Variants in UGT1A10 observed in about 807,000 individuals in gnomAD.
UGT1A10 encodes UDP-glucuronosyltransferase 1A10.
In UGT1A10, 49 loss-of-function variants were observed where a neutral mutation model predicts 45.8. That is an observed-to-expected ratio of 1.07 (90% CI 0.85 to 1.36). UGT1A10 has a LOEUF of 1.36. UGT1A10 is among the 40% of genes most tolerant of loss of function. The pLI is 0.00. For missense variants in UGT1A10, 745 were observed against 668.6 expected (o/e 1.11, Z -1.26); for synonymous variants, 284 against 249.7 (o/e 1.14, Z -1.29).
intron 1 of UGT1A10, among the ~76,000 whole-genome samples, chr2:233,748,384 T>C (rs546137113): frequency 6.6e-6 from 1 of 151,886 alleles, no homozygotes; most frequent in South Asian, 2.1e-4. Context: ...ATGTCCTTCA[T>C]TGGGAAGGAG....
intron 1 of UGT1A10, among the ~76,000 whole-genome samples, chr2:233,654,889 C>G (rs890854299): frequency 2.0e-5 from 3 of 152,122 alleles, no homozygotes; most frequent in African/African-American, 7.2e-5. Context: ...GTCAGGAGTT[C>G]GAGATCAGTC....
At chr2:233,714,411 G>A (rs2076385776) in intron 1 of UGT1A10, among the ~76,000 whole-genome samples, 1 of 152,178 alleles carries the variant, frequency 6.6e-6, no homozygotes, top group African/African-American at 2.4e-5. Context: ...ATGGATGTCT[G>A]TGATCAGAGA....
intron 1 of UGT1A10, chr2:233,747,522 G>C: frequency 6.2e-7 from 1 of 1,606,796 alleles, no homozygotes; most frequent in South Asian, 1.1e-5. Context: ...CTTTGAAACA[G>C]AACATTTTCT....
intron 1 of UGT1A10, chr2:233,755,173 C>T (rs541147048): frequency 7.2e-6 from 9 of 1,248,952 alleles, no homozygotes; most frequent in Non-Finnish European, 9.8e-6. Flanking sequence ...GGGTTTTTGT[C>T]GGGGTGCCAC....
intron 1 of UGT1A10, among the ~76,000 whole-genome samples, chr2:233,716,819 C>T (rs1378965211): frequency 6.6e-6 from 1 of 152,146 alleles, no homozygotes. Context: ...GCTGGGGTGA[C>T]CTCACTGACA....
At chr2:233,704,732 C>T (rs2075805299) in intron 1 of UGT1A10, among the ~76,000 whole-genome samples, 2 of 152,108 alleles carry the variant, frequency 1.3e-5, no homozygotes. Flanking sequence ...CTCCCAACTG[C>T]CTCCCTTGTG....
At chr2:233,682,646 A>C (rs1441040908) in intron 1 of UGT1A10, 1 of 1,613,772 alleles carries the variant, frequency 6.2e-7, no homozygotes, top group Non-Finnish European at 8.5e-7. Flanking sequence ...AATTCTCCAA[A>C]CCCCTGTCAC....
At chr2:233,686,167 T>C (rs1171566476) in intron 1 of UGT1A10, among the ~76,000 whole-genome samples, 2 of 151,930 alleles carry the variant, frequency 1.3e-5, no homozygotes, top group African/African-American at 2.4e-5. Flanking sequence ...AAGACCTAAA[T>C]AGAAAATCTA....
chr2:233,685,997 A>C (rs1480278906), intron 1 of UGT1A10, among the ~76,000 whole-genome samples: 1 of 152,210 alleles, frequency 6.6e-6, no homozygotes, highest in Non-Finnish European at 1.5e-5. Flanking sequence ...AATCCTGTAC[A>C]TCCTTTGCCT....
chr2:233,695,117 AC>A (rs1286119595), intron 1 of UGT1A10, among the ~76,000 whole-genome samples: 2 of 117,164 alleles, frequency 1.7e-5, no homozygotes, highest in African/African-American at 6.7e-5. Context: ...CCATTAACCA[AC>A]CCTTTTCTTT....
intron 1 of UGT1A10, chr2:233,647,949 G>A: frequency 1.2e-6 from 2 of 1,606,618 alleles, no homozygotes; most frequent in Admixed American, 3.3e-5. Context: ...GGAGCCACTG[G>A]TTCACCATGT....
chr2:233,644,213 G>T (rs1455427878), intron 1 of UGT1A10, among the ~76,000 whole-genome samples: 1 of 152,154 alleles, frequency 6.6e-6, no homozygotes, highest in Non-Finnish European at 1.5e-5. Flanking sequence ...GGTGAGGTCT[G>T]TGGGCATTCA....
At position 233,772,696 on chromosome 2, in the gene UGT1A10, TA is replaced by T. The variant is rs1170923656; in HGVS notation, c.*143del. On this transcript the variant is annotated 3_prime_UTR_variant, in exon 5 of 5. Transcript: ENST00000344644. Reference sequence around the variant, plus strand: ...TAAATTAATCAGCCCCAGAGTGCTTTAAAAAATTCTCTTAAATAAAAATAAT... The same window carrying T: ...TAAATTAATCAGCCCCAGAGTGCTTTAAAAATTCTCTTAAATAAAAATAAT... 2 of 1,482,484 alleles carry T rather than the reference TA, an allele frequency of 1.3e-6. No homozygotes were observed. The highest frequency in any genetic ancestry group is 1.8e-6 in the Non-Finnish European group (2 of 1,123,730). 91.8% of individuals were successfully genotyped at this position (1,482,484 alleles called of 1,614,324 possible).
intron 1 of UGT1A10, among the ~76,000 whole-genome samples, chr2:233,705,124 G>A (rs1223845607): frequency 3.8e-5 from 5 of 133,010 alleles, no homozygotes; most frequent in Admixed American, 7.4e-5. Context: ...GGACAAGAGC[G>A]AGACTTCGTC....
chr2:233,672,338 A>T (rs370181544), intron 1 of UGT1A10: 1 of 1,614,142 alleles, frequency 6.2e-7, no homozygotes, highest in Non-Finnish European at 8.5e-7. Flanking sequence ...AAATTAGTAG[A>T]ATACTTAAAG....
chr2:233,680,836 T>C (rs1240739585), intron 1 of UGT1A10, among the ~76,000 whole-genome samples: 3 of 151,842 alleles, frequency 2.0e-5, no homozygotes, highest in African/African-American at 7.3e-5. Context: ...AGAAGCAGAG[T>C]GGGCAGAGAG....
intron 1 of UGT1A10, among the ~76,000 whole-genome samples, chr2:233,674,049 G>A (rs753425003): frequency 2.0e-5 from 3 of 152,302 alleles, no homozygotes; most frequent in South Asian, 2.1e-4. Context: ...GTAGTTGGCT[G>A]AATCCAGATT....
chr2:233,711,464 C>G (rs2076182225), intron 1 of UGT1A10, among the ~76,000 whole-genome samples: 1 of 152,182 alleles, frequency 6.6e-6, no homozygotes, highest in South Asian at 2.1e-4. Context: ...AGGAATAGTT[C>G]AGAGGCTGAG....
At chr2:233,756,610 A>C (rs946399513) in intron 1 of UGT1A10, among the ~76,000 whole-genome samples, 3 of 152,216 alleles carry the variant, frequency 2.0e-5, no homozygotes, top group African/African-American at 7.2e-5. Context: ...GAAACCATTA[A>C]GACTTGCAGG....
Sources: allele counts gnomAD v4.1 joint callset (sites outside exome capture counted in the v4.1 genomes callset), GRCh38; gene constraint gnomAD v4.1.1; transcripts MANE v1.5; gene names NCBI Gene and HGNC (gene_info 2026-07-23, HGNC 2026-07-21).